Variants in USP2 observed in about 807,000 individuals in gnomAD.
USP2 encodes ubiquitin specific peptidase 2, also known as ubiquitin carboxyl-terminal hydrolase 2.
USP2 carries 33 observed loss-of-function variants against 72.0 expected under a neutral mutation model. That is an observed-to-expected ratio of 0.46 (90% confidence interval 0.35 to 0.61). The LOEUF (loss-of-function observed/expected upper bound fraction) is 0.61. USP2 is among the 20% of genes least tolerant of loss of function. The pLI is 0.01. For synonymous variants in USP2, 296 were observed against 312.5 expected, an observed-to-expected ratio of 0.95 and a Z score of 0.56; for missense variants, 691 against 797.8, an observed-to-expected ratio of 0.87 and a Z score of 1.61.
intron 2 of USP2, among the ~76,000 whole-genome samples, chr11:119,361,388 G>T (rs1436091741): frequency 2.6e-5 from 4 of 152,176 alleles, no homozygotes; most frequent in African/African-American, 9.7e-5. Flanking sequence ...AAAACCTTCA[G>T]GCTCAAAGGG....
chr11:119,378,832 C>T (rs1019145819), intron 1 of USP2, among the ~76,000 whole-genome samples: 4 of 152,204 alleles, frequency 2.6e-5, no homozygotes, highest in African/African-American at 7.2e-5. Flanking sequence ...CCTTCCTTCT[C>T]CTCTAGGGCG....
At chr11:119,363,977 C>T (rs1422732885) in intron 2 of USP2, 3 of 653,842 alleles carry the variant, frequency 4.6e-6, no homozygotes, top group Non-Finnish European at 5.5e-6. Context: ...GGCAGGGTCA[C>T]GGTGTACGAG....
Position 119,357,499 on chromosome 11 carries a change from A to T in USP2, c.1593T>A (p.Phe531Leu). 6.2e-7 allele frequency: 1 copy of T among 1,614,186 alleles called. No homozygotes were observed. The highest frequency in any genetic ancestry group is 8.5e-7 in the Non-Finnish European group (1 of 1,180,054). Residue 531 changes from phenylalanine to leucine, a missense_variant, in exon 11 of 13, where the codon TTT becomes TTA. Phe to Leu is a conservative substitution (Grantham distance 22, BLOSUM62 0). Coordinates refer to ENST00000260187, the MANE Select transcript of USP2 (RefSeq NM_004205.5). Reference protein sequence around the residue: ...FPLRDLDLREFASENTNHAVY... With the variant: ...FPLRDLDLRELASENTNHAVY... The stretch of plus-strand genomic sequence containing the variant: ...GATACTCACTGGTGTTTTCTGAGGC[A>T]AATTCTCTTAAGTCCAGGTCTCTTA...
Position 119,358,852 on chromosome 11 carries a change from G to C in USP2, c.1173-15C>G. 1.2e-6 allele frequency: 2 copies of C among 1,613,982 alleles called. 1 individual carries two copies. The highest frequency in any genetic ancestry group is 1.7e-6 in the Non-Finnish European group (2 of 1,180,022). ...TCTCGTCATCACTGGGAACCAGAGA[G>C]AGACAACAATTGGGTCAAAGCTCAA... On this transcript the variant is annotated splice_polypyrimidine_tract_variant and intron_variant, in intron 6 of 12. Transcript: ENST00000260187.
chr11:119,360,344 A>G, intron 2 of USP2, 110 bp from the exon 3 acceptor site: 2 of 1,081,224 alleles, frequency 1.8e-6, no homozygotes, highest in East Asian at 2.5e-5. Context: ...CAGGCCACAC[A>G]TAATATTCTT....
chr11:119,365,274 G>C (rs1168071707), intron 2 of USP2, among the ~76,000 whole-genome samples: 2 of 152,110 alleles, frequency 1.3e-5, no homozygotes, highest in Non-Finnish European at 2.9e-5. Context: ...AGCTACATGG[G>C]GACTGTGTCC....
intron 1 of USP2, among the ~76,000 whole-genome samples, chr11:119,375,860 G>A (rs1950993948): frequency 6.6e-6 from 1 of 152,196 alleles, no homozygotes; most frequent in Non-Finnish European, 1.5e-5. Context: ...GGCCAAACGA[G>A]GTCCAGAGGA....
intron 2 of USP2, chr11:119,360,481 T>A: frequency 1.8e-6 from 1 of 555,612 alleles, no homozygotes; most frequent in Non-Finnish European, 3.4e-6. Flanking sequence ...TGGAGTGCAG[T>A]GGTACGATCT....
chr11:119,359,165 C>T (rs754213947), intron 5 of USP2, 31 bp from the exon 6 acceptor site: 32 of 1,613,068 alleles, frequency 2.0e-5, no homozygotes, highest in Admixed American at 6.7e-5. Context: ...GTGAGCAACA[C>T]CTCTTGTCCT....
intron 3 of USP2, 37 bp downstream of exon 3, chr11:119,360,147 G>A (rs1950739784): frequency 1.2e-6 from 2 of 1,609,302 alleles, no homozygotes; most frequent in Non-Finnish European, 1.7e-6. Flanking sequence ...ATAGTAGGGG[G>A]TGGGCCTGGG....
intron 7 of USP2, 32 bp downstream of exon 7, chr11:119,358,741 G>T: frequency 1.2e-6 from 2 of 1,612,882 alleles, no homozygotes; most frequent in Non-Finnish European, 1.7e-6. Context: ...AGGCAACAGT[G>T]AAAACAGGCA....
At chr11:119,362,940 AGAG>A (rs1950785979) in intron 2 of USP2, among the ~76,000 whole-genome samples, 2 of 152,210 alleles carry the variant, frequency 1.3e-5, no homozygotes, top group African/African-American at 4.8e-5. Context: ...TTCACCTTCT[AGAG>A]GAGAGGAGCG....
intron 4 of USP2, 61 bp from the exon 5 acceptor site, chr11:119,359,403 T>C: frequency 1.3e-6 from 2 of 1,584,838 alleles, no homozygotes; most frequent in Non-Finnish European, 1.7e-6. Flanking sequence ...ACTCTGAAAC[T>C]AGAATCCCAA....
At chr11:119,375,102 C>T (rs983920220) in intron 1 of USP2, among the ~76,000 whole-genome samples, 1 of 152,216 alleles carries the variant, frequency 6.6e-6, no homozygotes, top group African/African-American at 2.4e-5. Context: ...CTTGGGATGC[C>T]AGGCCTCCCC....
rs1950653220 is a variant in USP2 at position 119,356,465 on chromosome 11, CCA to C, written c.*368_*369del. ...CAGGCGGTGATGCTCCCAGCGAGCT[CCA>C]GAGGGCGCTGTCCCCTCGGAGGCGC... On this transcript the variant is annotated 3_prime_UTR_variant, in exon 13 of 13. Coordinates refer to ENST00000260187, the MANE Select transcript of USP2 (RefSeq NM_004205.5). 5.3e-6 allele frequency: 1 copy of C among 190,434 alleles called. No homozygotes were observed. The highest frequency in any genetic ancestry group is 1.3e-4 in the South Asian group (1 of 7,546). 11.8% of individuals were successfully genotyped at this position (190,434 alleles called of 1,614,324 possible).
At chr11:119,357,366 A>G in intron 11 of USP2, 59 bp from the exon 12 acceptor site, 1 of 1,333,528 alleles carries the variant, frequency 7.5e-7, no homozygotes, top group Non-Finnish European at 1.0e-6. Context: ...TCCCCCCTCC[A>G]ACCTCTCCTT....
intron 2 of USP2, among the ~76,000 whole-genome samples, chr11:119,371,762 A>G (rs1200157586): frequency 6.6e-6 from 1 of 152,076 alleles, no homozygotes; most frequent in Non-Finnish European, 1.5e-5. Flanking sequence ...TTCTGCCCAT[A>G]TGCTTGCCTG....
intron 1 of USP2, among the ~76,000 whole-genome samples, chr11:119,375,397 C>T (rs538910937): frequency 3.3e-5 from 5 of 152,326 alleles, no homozygotes; most frequent in Admixed American, 3.3e-4. Flanking sequence ...AAGGCCTGGT[C>T]CATCTTACTG....
At chr11:119,358,882 T>C in intron 6 of USP2, 45 bp from the exon 7 acceptor site, 1 of 1,607,760 alleles carries the variant, frequency 6.2e-7, no homozygotes, top group South Asian at 1.1e-5. Flanking sequence ...GCTCAAAACT[T>C]AAGTTTAAGG....
Sources: allele counts gnomAD v4.1 joint callset (sites outside exome capture counted in the v4.1 genomes callset), GRCh38; gene constraint gnomAD v4.1.1; transcripts MANE v1.5; gene names NCBI Gene and HGNC (gene_info 2026-07-23, HGNC 2026-07-21).